WDPCP: variants seen among roughly 807,000 people sequenced by gnomAD.
The protein encoded by WDPCP is WD repeat containing planar cell polarity effector, also known as WD repeat-containing and planar cell polarity effector protein fritz homolog.
In WDPCP, 71 loss-of-function variants were observed where a neutral mutation model predicts 93.1. The ratio of observed to expected loss-of-function variants is 0.76; its 90% CI spans 0.63 to 0.93. The LOEUF (loss-of-function observed/expected upper bound fraction) is 0.93, where lower values mean the gene tolerates loss of function less well. WDPCP is among the 40% of genes least tolerant of loss of function. The probability of loss-of-function intolerance (pLI) is 0.00; values close to 1 mark genes in which losing one functional copy is unlikely to be tolerated. For synonymous variants in WDPCP, 315 were observed against 315.0 expected (o/e 1.00, Z 0.00); for missense variants, 844 against 887.4 (o/e 0.95, Z 0.62).
At chr2:63,287,575 T>C (rs1390714523) in intron 13 of WDPCP, among the ~76,000 whole-genome samples, 4 of 152,202 alleles carry the variant, frequency 2.6e-5, no homozygotes, top group Non-Finnish European at 5.9e-5. Flanking sequence ...TTCTGCTTTG[T>C]TTCTTCTATT....
chr2:63,701,943 G>C (rs1197274723), intron 2 of WDPCP, among the ~76,000 whole-genome samples: 1 of 152,158 alleles, frequency 6.6e-6, no homozygotes, highest in Non-Finnish European at 1.5e-5. Flanking sequence ...TAGATAAATA[G>C]GATGATCATA....
At chr2:63,424,452 C>G (rs1696107930) in intron 9 of WDPCP, among the ~76,000 whole-genome samples, 1 of 152,196 alleles carries the variant, frequency 6.6e-6, no homozygotes, top group Non-Finnish European at 1.5e-5. Context: ...CCAGCCCCTC[C>G]CAAGGCCCCG....
At chr2:63,536,408 C>T (rs1201202009) in intron 1 of WDPCP, among the ~76,000 whole-genome samples, 2 of 152,182 alleles carry the variant, frequency 1.3e-5, no homozygotes, top group African/African-American at 4.8e-5. Flanking sequence ...GACACATGCA[C>T]ACGTATGTTT....
rs141874143 is a variant in WDPCP, at chr2:63,625,447, G to A, written n.488+25212C>T. Among the ~76,000 whole-genome samples the A allele has an allele frequency of 2.5e-3, 387 of 152,216 alleles. 1 individual carries two copies. The Middle Eastern group carries it at 0.048, about 19-fold the overall frequency. On this transcript the variant is annotated intron_variant and non_coding_transcript_variant, in intron 3 of 4. Transcript: ENST00000467687. ...GAAAACCCCATCGTCTGAGCCCAAC[G>A]TCTCCTTAAGCTGATAAGCAACTTC...
chr2:63,786,834 G>GA (rs963711675), intron 2 of WDPCP, among the ~76,000 whole-genome samples: 130 of 152,060 alleles, frequency 8.5e-4, no homozygotes, highest in African/African-American at 1.9e-3. Flanking sequence ...TGAGCACACA[G>GA]AAAAAAAATC....
intron 2 of WDPCP, chr2:63,684,767 C>A (rs970825645): frequency 1.4e-5 from 8 of 552,052 alleles, no homozygotes; most frequent in Non-Finnish European, 2.8e-5. Flanking sequence ...GAAATAGTAA[C>A]AAGCATTTTC....
chr2:63,483,407 GA>G (rs917278380), intron 6 of WDPCP, among the ~76,000 whole-genome samples: 1 of 151,714 alleles, frequency 6.6e-6, no homozygotes, highest in Non-Finnish European at 1.5e-5. Context: ...GCAAATTTAA[GA>G]AGTATTATAA....
At chr2:63,836,982 T>C in the WDPCP span, among the ~76,000 whole-genome samples, 1 of 152,220 alleles carries the variant, frequency 6.6e-6, no homozygotes. Context: ...ACTAACTTCA[T>C]TTTTTAAAGC....
chr2:63,469,700 G>A (rs1257558551), intron 6 of WDPCP, among the ~76,000 whole-genome samples: 1 of 152,160 alleles, frequency 6.6e-6, no homozygotes, highest in East Asian at 1.9e-4. Context: ...CCTACCTGAG[G>A]ATGGAGTGTG....
intron 2 of WDPCP, among the ~76,000 whole-genome samples, chr2:63,784,958 A>G (rs1401764783): frequency 6.6e-6 from 1 of 152,194 alleles, no homozygotes; most frequent in Non-Finnish European, 1.5e-5. Context: ...CTACCTCATA[A>G]AGTTGTAAAG....
chr2:63,738,849 T>C (rs746368014), intron 2 of WDPCP, among the ~76,000 whole-genome samples: 1 of 152,080 alleles, frequency 6.6e-6, no homozygotes, highest in Non-Finnish European at 1.5e-5. Context: ...AAAGAGATCA[T>C]TACCAGCTCC....
chr2:63,736,567 T>C (rs1669642791), intron 2 of WDPCP, among the ~76,000 whole-genome samples: 1 of 152,138 alleles, frequency 6.6e-6, no homozygotes, highest in Non-Finnish European at 1.5e-5. Context: ...TTTCAGGAAG[T>C]AACTGAAAAT....
intron 14 of WDPCP, among the ~76,000 whole-genome samples, chr2:63,206,911 C>T (rs1676385047): frequency 6.6e-6 from 1 of 152,164 alleles, no homozygotes; most frequent in Non-Finnish European, 1.5e-5. Context: ...ACTATACTCA[C>T]ATTGATGGGC....
chr2:63,801,053 G>C (rs1421100870), intron 2 of WDPCP, among the ~76,000 whole-genome samples: 1 of 152,130 alleles, frequency 6.6e-6, no homozygotes, highest in Non-Finnish European at 1.5e-5. Flanking sequence ...CCCATGTTTT[G>C]AAATAAATAA....
At chr2:63,591,818 A>G (rs1215829170), upstream of WDPCP, among the ~76,000 whole-genome samples, 4 of 152,242 alleles carry the variant, frequency 2.6e-5, no homozygotes, top group Admixed American at 1.3e-4. Context: ...CTGTGATGAT[A>G]TTTATAAATA....
intron 1 of WDPCP, among the ~76,000 whole-genome samples, chr2:63,568,637 T>G (rs1225431395): frequency 6.6e-6 from 1 of 152,218 alleles, no homozygotes; most frequent in African/African-American, 2.4e-5. Flanking sequence ...CTGTGTCCAG[T>G]TTCCATTGGC....
chr2:63,451,370 T>A (rs933506901), intron 6 of WDPCP, among the ~76,000 whole-genome samples: 3 of 152,108 alleles, frequency 2.0e-5, no homozygotes, highest in African/African-American at 7.2e-5. Flanking sequence ...CTTCGACACA[T>A]ACACCCTTCC....
At chr2:63,248,471 C>A (rs991838628) in intron 14 of WDPCP, among the ~76,000 whole-genome samples, 2 of 152,036 alleles carry the variant, frequency 1.3e-5, no homozygotes, top group African/African-American at 2.4e-5. Context: ...TGTATTTCCT[C>A]AAATTTGGGA....
chr2:63,673,181 G>T (rs1710366550), intron 2 of WDPCP, among the ~76,000 whole-genome samples: 1 of 152,186 alleles, frequency 6.6e-6, no homozygotes, highest in African/African-American at 2.4e-5. Context: ...GTATGCAGAT[G>T]TGTGTGGGTG....
Sources: allele counts gnomAD v4.1 joint callset (sites outside exome capture counted in the v4.1 genomes callset), GRCh38; gene constraint gnomAD v4.1.1; transcripts MANE v1.5; gene names NCBI Gene and HGNC (gene_info 2026-07-23, HGNC 2026-07-21).